Variants in ELMO1 observed in about 807,000 individuals in gnomAD.
ELMO1 encodes engulfment and cell motility 1.
ELMO1 carries 26 observed loss-of-function variants against 98.9 expected under a neutral mutation model. The observed-to-expected ratio is 0.26, with a 90% CI of 0.19 to 0.36. ELMO1 has a LOEUF of 0.36. ELMO1 is among the 10% of genes least tolerant of loss of function. The pLI is 1.00. For synonymous variants in ELMO1, 346 were observed against 346.0 expected (o/e 1.00, Z 0.00); for missense variants, 627 against 935.2 (o/e 0.67, Z 4.30).
intron 1 of ELMO1, among the ~76,000 whole-genome samples, chr7:37,418,482 G>A (rs1804326654): frequency 6.6e-6 from 1 of 152,156 alleles, no homozygotes; most frequent in Non-Finnish European, 1.5e-5. Flanking sequence ...ATTGCAATAA[G>A]GTAAGGCCCG....
chr7:37,171,481 C>CTTTTTTTTTTTTTTTTTT (rs71553100), intron 13 of ELMO1, among the ~76,000 whole-genome samples: 1 of 44,298 alleles, frequency 2.3e-5, no homozygotes, highest in Non-Finnish European at 5.1e-5. Context: ...CCAGGCCTTT[C>CTTTTTTTTTTTTTTTTTT]TATTTTTTTT....
chr7:37,377,092 C>T (rs1273559299), intron 1 of ELMO1, among the ~76,000 whole-genome samples: 5 of 152,304 alleles, frequency 3.3e-5, no homozygotes, highest in South Asian at 2.1e-4. Context: ...TTACATTAGC[C>T]TACAGGTGGG....
chr7:36,936,482 G>C (rs984219785), intron 16 of ELMO1, among the ~76,000 whole-genome samples: 7 of 152,098 alleles, frequency 4.6e-5, no homozygotes, highest in Non-Finnish European at 7.4e-5. Context: ...TTAGAGATGG[G>C]GGTCTCGCTC....
At position 36,962,331 on chromosome 7, in the gene ELMO1, A is replaced by T. The variant is rs1207197419; in HGVS notation, c.1437+50968T>A. 2.6e-5 allele frequency among the ~76,000 whole-genome samples: 4 copies of T among 152,222 alleles called. No homozygotes were observed. In the East Asian group the frequency reaches 7.7e-4, roughly 29 times the overall value. Reference sequence around the variant, plus strand: ...CAGCTGAGGAGTTTGAAGTGTATCTAGAAAACAATTTGGACCGATTAAAAA... The same window carrying T: ...CAGCTGAGGAGTTTGAAGTGTATCTTGAAAACAATTTGGACCGATTAAAAA... On this transcript the variant is annotated intron_variant, in intron 16 of 21. Transcript: ENST00000310758.
At chr7:36,897,336 G>GTGTGTGTGCGTGTGTGTGTGTA (rs1806107706) in intron 16 of ELMO1, among the ~76,000 whole-genome samples, 1 of 148,210 alleles carries the variant, frequency 6.7e-6, no homozygotes, top group South Asian at 2.2e-4. Flanking sequence ...GTGTGTGTGT[G>GTGTGTGTGCGTGTGTGTGTGTA]TGTGTGTGTG....
chr7:36,918,487 C>T (rs564526866), intron 16 of ELMO1, among the ~76,000 whole-genome samples: 23 of 152,304 alleles, frequency 1.5e-4, no homozygotes, highest in African/African-American at 5.1e-4. Context: ...GTGCATATCA[C>T]AGTCACCCAG....
chr7:37,265,491 G>A (rs1392625076), intron 5 of ELMO1, among the ~76,000 whole-genome samples: 2 of 152,032 alleles, frequency 1.3e-5, no homozygotes, highest in African/African-American at 4.8e-5. Context: ...AGTTTTGGAA[G>A]AGAGAGTAGC....
intron 15 of ELMO1, among the ~76,000 whole-genome samples, chr7:37,064,652 T>C (rs1456607282): frequency 6.6e-6 from 1 of 152,190 alleles, no homozygotes; most frequent in African/African-American, 2.4e-5. Flanking sequence ...TTATGAATCT[T>C]GGTTCTCTCC....
At chr7:36,986,979 C>T (rs1265681816) in intron 16 of ELMO1, among the ~76,000 whole-genome samples, 1 of 152,172 alleles carries the variant, frequency 6.6e-6, no homozygotes, top group African/African-American at 2.4e-5. Context: ...TGCCTAACAG[C>T]CCTGAGAGCT....
chr7:37,036,763 G>A (rs574124693), intron 15 of ELMO1, among the ~76,000 whole-genome samples: 23 of 152,244 alleles, frequency 1.5e-4, no homozygotes, highest in Middle Eastern at 3.4e-3. Flanking sequence ...TGTAGGTGCC[G>A]GAATTTCATC....
At position 37,387,592 on chromosome 7, in the gene ELMO1, T is replaced by C. The variant is rs1802862572; in HGVS notation, c.-73-44829A>G. On this transcript the variant is annotated intron_variant, in intron 1 of 21. Transcript: ENST00000310758. Reference sequence around the variant, plus strand: ...GGCCTGGGGGGTTAGTACTCGAATATACCATTTTTGTAGGGGACACAATTC... The same window carrying C: ...GGCCTGGGGGGTTAGTACTCGAATACACCATTTTTGTAGGGGACACAATTC... Among the ~76,000 whole-genome samples the C allele has an allele frequency of 2.0e-5, 3 of 152,238 alleles. No individual in the cohort carries two copies. The South Asian group carries it at 6.2e-4, about 32-fold the overall frequency.
intron 13 of ELMO1, among the ~76,000 whole-genome samples, chr7:37,185,010 G>A (rs943565920): frequency 2.6e-5 from 4 of 152,084 alleles, no homozygotes; most frequent in Admixed American, 2.0e-4. Flanking sequence ...AATTTATAAT[G>A]AGTCTGTCTA....
intron 13 of ELMO1, among the ~76,000 whole-genome samples, chr7:37,208,712 G>A (rs1209647091): frequency 6.6e-6 from 1 of 152,144 alleles, no homozygotes; most frequent in Admixed American, 6.5e-5. Context: ...TTTCTGGCTG[G>A]CTGGGTATTC....
At chr7:37,416,297 C>T (rs914394186) in intron 1 of ELMO1, among the ~76,000 whole-genome samples, 1 of 152,228 alleles carries the variant, frequency 6.6e-6, no homozygotes, top group Non-Finnish European at 1.5e-5. Flanking sequence ...TTGCAGTCCA[C>T]TCTCAGGTTT....
At chr7:37,283,179 C>A (rs1171871914) in intron 4 of ELMO1, among the ~76,000 whole-genome samples, 1 of 152,170 alleles carries the variant, frequency 6.6e-6, no homozygotes, top group African/African-American at 2.4e-5. Context: ...AGGAGCCTGT[C>A]TGTCTCCTTC....
intron 16 of ELMO1, among the ~76,000 whole-genome samples, chr7:36,899,858 G>A (rs929638328): frequency 2.0e-5 from 3 of 151,574 alleles, no homozygotes; most frequent in African/African-American, 4.8e-5. Flanking sequence ...GTAATAATAC[G>A]AAATTCACAG....
chr7:37,020,394 T>C (rs1032315057), intron 15 of ELMO1, among the ~76,000 whole-genome samples: 3 of 152,158 alleles, frequency 2.0e-5, no homozygotes, highest in Admixed American at 2.0e-4. Context: ...GACATTAGAG[T>C]GGTATTTGAT....
intron 16 of ELMO1, among the ~76,000 whole-genome samples, chr7:36,947,582 G>C (rs1787604624): frequency 6.6e-6 from 1 of 152,120 alleles, no homozygotes; most frequent in African/African-American, 2.4e-5. Flanking sequence ...TCAGTCCAAA[G>C]AGTTTTCTTT....
intron 16 of ELMO1, among the ~76,000 whole-genome samples, chr7:36,960,084 T>C (rs1467631226): frequency 1.3e-5 from 2 of 152,224 alleles, no homozygotes; most frequent in African/African-American, 2.4e-5. Flanking sequence ...CATTTACTTT[T>C]CCTCTAAATG....
Sources: allele counts gnomAD v4.1 joint callset (sites outside exome capture counted in the v4.1 genomes callset), GRCh38; gene constraint gnomAD v4.1.1; transcripts MANE v1.5; gene names NCBI Gene and HGNC (gene_info 2026-07-23, HGNC 2026-07-21).